The following SPAG16 variants were observed in gnomAD, a reference collection of about 807,000 sequenced individuals.
The protein encoded by SPAG16 is sperm-associated antigen 16 protein.
SPAG16 carries 86 observed loss-of-function variants against 80.4 expected under a neutral mutation model. That is an observed-to-expected ratio of 1.07 (90% CI 0.90 to 1.28). SPAG16 has a LOEUF of 1.28. Ranked by LOEUF, SPAG16 falls within the 50% of genes most tolerant of loss-of-function variation. The pLI is 0.00. For missense variants in SPAG16, 870 were observed against 765.3 expected (o/e 1.14, Z -1.61); for synonymous variants, 294 against 265.9 (o/e 1.11, Z -1.03).
intron 15 of SPAG16, among the ~76,000 whole-genome samples, chr2:214,373,839 T>C (rs1042685055): frequency 3.3e-5 from 5 of 152,222 alleles, no homozygotes; most frequent in African/African-American, 1.2e-4. Context: ...TCATAAATCA[T>C]GGTTATATTT....
At chr2:213,460,929 A>G (rs986693241) in intron 9 of SPAG16, among the ~76,000 whole-genome samples, 3 of 152,182 alleles carry the variant, frequency 2.0e-5, no homozygotes, top group Non-Finnish European at 4.4e-5. Context: ...AAGTTCCTGT[A>G]TAAACATGAA....
rs376411714 is a variant in SPAG16, at chr2:214,200,733, T to C, written c.1720+51467T>C. Among the ~76,000 whole-genome samples the C allele has an allele frequency of 3.3e-5, 5 of 152,268 alleles. No homozygotes were observed. The East Asian group carries it at 9.7e-4, about 29-fold the overall frequency. On this transcript the variant is annotated intron_variant, in intron 15 of 15. Transcript: ENST00000331683. ...TATAAAAATTGTAATCTGATAAAAATTCAAAGTTTATAAATTCGAGGTTTT... is the reference window on the plus strand; with the variant it reads ...TATAAAAATTGTAATCTGATAAAAACTCAAAGTTTATAAATTCGAGGTTTT...
chr2:213,805,667 C>CA, intron 10 of SPAG16, among the ~76,000 whole-genome samples: 1 of 152,260 alleles, frequency 6.6e-6, no homozygotes, highest in South Asian at 2.1e-4. Flanking sequence ...AACAAACCTT[C>CA]TGATGTCTGA....
chr2:214,157,452 G>C (rs571101830), intron 15 of SPAG16, among the ~76,000 whole-genome samples: 1 of 151,988 alleles, frequency 6.6e-6, no homozygotes, highest in South Asian at 2.1e-4. Context: ...TTATCCCCTA[G>C]GCTAGAAGCA....
chr2:213,898,161 T>C (rs1289898856), intron 11 of SPAG16, among the ~76,000 whole-genome samples: 2 of 152,120 alleles, frequency 1.3e-5, no homozygotes, highest in Non-Finnish European at 2.9e-5. Context: ...AACAGAAAGG[T>C]CCAGAAAGAC....
intron 13 of SPAG16, among the ~76,000 whole-genome samples, chr2:214,035,953 G>T (rs763133834): frequency 6.6e-6 from 1 of 152,196 alleles, no homozygotes; most frequent in Non-Finnish European, 1.5e-5. Flanking sequence ...TGCAGTGGCC[G>T]CTGTAGATTA....
At chr2:213,604,145 GC>G (rs1219570291) in intron 10 of SPAG16, among the ~76,000 whole-genome samples, 4 of 152,064 alleles carry the variant, frequency 2.6e-5, no homozygotes, top group Non-Finnish European at 5.9e-5. Context: ...GCCCGCCTCG[GC>G]CTCCCAAAGT....
At chr2:213,719,812 T>C (rs1199802321) in intron 10 of SPAG16, among the ~76,000 whole-genome samples, 1 of 152,150 alleles carries the variant, frequency 6.6e-6, no homozygotes, top group African/African-American at 2.4e-5. Context: ...AGAAATACCA[T>C]TTGACCCAGC....
At chr2:214,218,007 AT>A (rs1299412940) in intron 15 of SPAG16, among the ~76,000 whole-genome samples, 3 of 151,990 alleles carry the variant, frequency 2.0e-5, no homozygotes, top group Non-Finnish European at 2.9e-5. Flanking sequence ...GTTAATGCAT[AT>A]TTTTTTTCAA....
At chr2:213,417,233 C>A (rs1034122092) in intron 9 of SPAG16, among the ~76,000 whole-genome samples, 1 of 152,162 alleles carries the variant, frequency 6.6e-6, no homozygotes, top group Non-Finnish European at 1.5e-5. Context: ...ATACAAGGAA[C>A]AATATTTTGG....
chr2:213,739,791 G>A (rs1437239920), intron 10 of SPAG16, among the ~76,000 whole-genome samples: 2 of 152,074 alleles, frequency 1.3e-5, no homozygotes, highest in Non-Finnish European at 2.9e-5. Flanking sequence ...TAGTAGAGGT[G>A]GGGTTTTACC....
chr2:214,297,823 CT>C (rs748471904), intron 15 of SPAG16, among the ~76,000 whole-genome samples: 2,435 of 125,872 alleles, frequency 0.019, 23 homozygotes, highest in Middle Eastern at 0.047. Context: ...CTATTTGGCT[CT>C]TTTTTTTTTT....
chr2:213,806,296 A>G (rs376390676), intron 10 of SPAG16, among the ~76,000 whole-genome samples: 1 of 152,224 alleles, frequency 6.6e-6, no homozygotes, highest in Admixed American at 6.5e-5. Flanking sequence ...AATTATGAAT[A>G]TAACTTTTAA....
intron 9 of SPAG16, among the ~76,000 whole-genome samples, chr2:213,476,425 G>A (rs910806040): frequency 6.6e-6 from 1 of 152,132 alleles, no homozygotes; most frequent in Non-Finnish European, 1.5e-5. Flanking sequence ...TCCAACACCC[G>A]AGGGTGAAGG....
chr2:213,992,821 C>A (rs1018141731), intron 12 of SPAG16, among the ~76,000 whole-genome samples: 2 of 152,132 alleles, frequency 1.3e-5, no homozygotes, highest in African/African-American at 2.4e-5. Flanking sequence ...AAAACAAAGT[C>A]ATATAAAAGT....
At chr2:214,324,532 G>T (rs1696338330) in intron 15 of SPAG16, among the ~76,000 whole-genome samples, 1 of 152,108 alleles carries the variant, frequency 6.6e-6, no homozygotes, top group African/African-American at 2.4e-5. Context: ...TTTCCCAGTT[G>T]CTCATGAGAG....
chr2:213,756,730 G>C (rs2068357700), intron 10 of SPAG16, among the ~76,000 whole-genome samples: 1 of 151,570 alleles, frequency 6.6e-6, no homozygotes, highest in African/African-American at 2.4e-5. Flanking sequence ...GGATATGTGT[G>C]GGTATGCATG....
chr2:213,432,370 A>C (rs774158910), intron 9 of SPAG16, among the ~76,000 whole-genome samples: 3 of 152,112 alleles, frequency 2.0e-5, no homozygotes, highest in Admixed American at 6.6e-5. Context: ...AGAAGTGAGA[A>C]GATCCAAATA....
intron 15 of SPAG16, among the ~76,000 whole-genome samples, chr2:214,405,059 A>G (rs978775473): frequency 6.6e-6 from 1 of 152,192 alleles, no homozygotes; most frequent in African/African-American, 2.4e-5. Flanking sequence ...TTATGCAACT[A>G]GAGAATTCAG....
Sources: allele counts gnomAD v4.1 joint callset (sites outside exome capture counted in the v4.1 genomes callset), GRCh38; gene constraint gnomAD v4.1.1; transcripts MANE v1.5; gene names NCBI Gene and HGNC (gene_info 2026-07-23, HGNC 2026-07-21).